STAT4: variants seen among roughly 807,000 people sequenced by gnomAD.
STAT4 encodes signal transducer and activator of transcription 4.
STAT4 carries 42 observed loss-of-function variants against 110.5 expected under a neutral mutation model. The ratio of observed to expected loss-of-function variants is 0.38; its 90% CI spans 0.30 to 0.49. The LOEUF is 0.49. Among genes scored for constraint, STAT4 ranks in the 20% least tolerant of loss-of-function variants. The pLI is 0.95. For missense variants in STAT4, 632 were observed against 887.9 expected (o/e 0.71, Z 3.66); for synonymous variants, 284 against 302.2 (o/e 0.94, Z 0.63).
intron 3 of STAT4, among the ~76,000 whole-genome samples, chr2:191,096,091 G>A (rs1697970628): frequency 6.6e-6 from 1 of 152,092 alleles, no homozygotes; most frequent in South Asian, 2.1e-4. Flanking sequence ...TCCCTGAATA[G>A]ACCAATAACA....
rs572311980 is a variant in STAT4, at chr2:191,061,343, C to T, written c.1034+386G>A. 9.9e-5 allele frequency among the ~76,000 whole-genome samples: 15 copies of T among 152,206 alleles called. No homozygotes were observed. Among genetic ancestry groups the T allele is most frequent in the African/African-American group, 3.6e-4 (15 of 41,528 alleles). ...TCTGTCCTCTCAATTCTGTCTCTTC[C>T]CTGCTCCCCACGATTACCAGACAGA... On this transcript the variant is annotated intron_variant, in intron 10 of 23. Transcript: ENST00000392320. This position sits in a 1 kb window ranked among gnomAD's most constrained non-coding sequence, Gnocchi z 6.2.
At chr2:191,087,505 C>G (rs1446813643) in intron 3 of STAT4, among the ~76,000 whole-genome samples, 3 of 152,250 alleles carry the variant, frequency 2.0e-5, no homozygotes, top group Non-Finnish European at 4.4e-5. Context: ...GCTCCCTCCC[C>G]TTTCCATCCC....
At position 191,099,203 on chromosome 2, in the gene STAT4, G is replaced by C. The variant is rs1698088498; in HGVS notation, c.274-22878C>G. ...AAGTCAGGTTGACAAAAATAAAAAAGAATGATAATATCTATTGTTAATGAA... is the reference window on the plus strand; with the variant it reads ...AAGTCAGGTTGACAAAAATAAAAAACAATGATAATATCTATTGTTAATGAA... On this transcript the variant is annotated intron_variant, in intron 3 of 23. Coordinates refer to ENST00000392320, the MANE Select transcript of STAT4 (RefSeq NM_003151.4). This position sits in a 1 kb window ranked among gnomAD's most constrained non-coding sequence, Gnocchi z 4.1. 6.6e-6 allele frequency among the ~76,000 whole-genome samples: 1 copy of C among 151,990 alleles called. No individual in the cohort carries two copies. The highest frequency in any genetic ancestry group is 1.5e-5 in the Non-Finnish European group (1 of 67,964).
In STAT4 at chr2:191,129,983, TC is replaced by T. The variant is rs531996915; in HGVS notation, c.273+16629del. ...AGTCTATTTCCACTTGTTTTAGTGGTCTTTTTGAAATTTTGCCAAGTATGCT... is the reference window on the plus strand; with the variant it reads ...AGTCTATTTCCACTTGTTTTAGTGGTTTTTTGAAATTTTGCCAAGTATGCT... On this transcript the variant is annotated intron_variant, in intron 3 of 23. Coordinates refer to ENST00000392320, the MANE Select transcript of STAT4 (RefSeq NM_003151.4). Among the ~76,000 whole-genome samples, 757 of 152,126 alleles carry T rather than the reference TC, an allele frequency of 5.0e-3. 3 individuals carry two copies. The highest frequency in any genetic ancestry group is 0.017 in the African/African-American group (705 of 41,380).
rs369720896 is a variant in STAT4, at chr2:191,033,088, G to T, written c.1914C>A (p.Phe638Leu). The part of the protein sequence containing the change: ...YNKGRLSALP[F>L]ADILRDYKVI... ...CTTTGTAGTCTCGCAGGATGTCAGC[G>T]AATGGCAGAGCAGACAACCGGCCTT... Residue 638 changes from phenylalanine to leucine, a missense_variant, in exon 21 of 24, where the codon TTC becomes TTA. This residue lies in a region of STAT4 where 74 missense variants were observed against 154.3 expected (regional missense o/e 0.48). Coordinates refer to ENST00000392320, the MANE Select transcript of STAT4 (RefSeq NM_003151.4). This position sits in a 1 kb window ranked among gnomAD's most constrained non-coding sequence, Gnocchi z 6.9. 7 of 1,614,086 alleles carry T rather than the reference G, an allele frequency of 4.3e-6. No individual in the cohort carries two copies. In the African/African-American group the frequency reaches 6.7e-5, roughly 15 times the overall value.
Position 191,086,295 on chromosome 2 carries a change from G to A in STAT4, c.274-9970C>T, listed in dbSNP as rs111446773. ...AAGATTGTCACTTTCTGACAGGCCC[G>A]GGAACCTCATAGGACCTCAAGAAGA... On this transcript the variant is annotated intron_variant, in intron 3 of 23. Coordinates refer to ENST00000392320, the MANE Select transcript of STAT4 (RefSeq NM_003151.4). The surrounding 1 kb of genome is among the most constrained non-coding windows in gnomAD (Gnocchi z 5.5). Among the ~76,000 whole-genome samples, 4,850 of 152,168 alleles carry A rather than the reference G, an allele frequency of 0.032. 98 individuals carry two copies. Among genetic ancestry groups the A allele is most frequent in the Non-Finnish European group, 0.048 (3,281 of 67,986 alleles).
rs1439267294 is a variant in STAT4, at chr2:191,142,528, A to C, written c.273+4085T>G. 6.6e-6 allele frequency among the ~76,000 whole-genome samples: 1 copy of C among 152,164 alleles called. No individual in the cohort carries two copies. Among genetic ancestry groups the C allele is most frequent in the African/African-American group, 2.4e-5 (1 of 41,444 alleles). On this transcript the variant is annotated intron_variant, in intron 3 of 23. Coordinates refer to ENST00000392320, the MANE Select transcript of STAT4 (RefSeq NM_003151.4). This position sits in a 1 kb window ranked among gnomAD's most constrained non-coding sequence, Gnocchi z 4.1. ...AAACATACAGTTAAATAGAAGGATT[A>C]AGTTCTAACATTCTATAGCAGGGTT...
intron 3 of STAT4, among the ~76,000 whole-genome samples, chr2:191,114,523 A>C (rs1698521865): frequency 6.6e-6 from 1 of 152,188 alleles, no homozygotes; most frequent in Non-Finnish European, 1.5e-5. Context: ...CGTTAAGTTT[A>C]ACAGGAAGTC....
At chr2:191,067,064 T>C (rs888963736) in intron 6 of STAT4, among the ~76,000 whole-genome samples, 6 of 151,862 alleles carry the variant, frequency 4.0e-5, no homozygotes, top group Admixed American at 1.3e-4. Flanking sequence ...TTTTTCTTTT[T>C]TTTTTTTTCA....
At chr2:191,093,635 C>G (rs1459645240) in intron 3 of STAT4, among the ~76,000 whole-genome samples, 1 of 152,200 alleles carries the variant, frequency 6.6e-6, no homozygotes, top group East Asian at 1.9e-4. Context: ...CGGGGAGAAA[C>G]AAGAGCAGAA....
At chr2:191,045,124 GA>G (rs1176916796) in intron 14 of STAT4, among the ~76,000 whole-genome samples, 3 of 152,092 alleles carry the variant, frequency 2.0e-5, no homozygotes, top group Non-Finnish European at 2.9e-5. Context: ...TCAGAAGTTA[GA>G]CATATAAAAT....
At chr2:191,111,955 G>A (rs1698437042) in intron 3 of STAT4, among the ~76,000 whole-genome samples, 1 of 152,126 alleles carries the variant, frequency 6.6e-6, no homozygotes, top group Non-Finnish European at 1.5e-5. Context: ...GCAGATCAAC[G>A]GCTGCCTGGG....
At chr2:191,064,741 C>A in intron 8 of STAT4, 66 bp downstream of exon 8, 1 of 1,553,516 alleles carries the variant, frequency 6.4e-7, no homozygotes, top group Non-Finnish European at 8.7e-7. Context: ...CGTTCTCTGG[C>A]TGAGTGACAC....
chr2:191,109,035 G>T (rs766064556), intron 3 of STAT4, among the ~76,000 whole-genome samples: 1 of 152,060 alleles, frequency 6.6e-6, no homozygotes, highest in Non-Finnish European at 1.5e-5. Flanking sequence ...TTTATCAAAG[G>T]CACTTGCCAA....
Position 191,150,786 on chromosome 2 carries a change from G to A in STAT4, c.-2+161C>T, listed in dbSNP as rs1179529113. On this transcript the variant is annotated intron_variant, in intron 1 of 23. Coordinates refer to ENST00000392320, the MANE Select transcript of STAT4 (RefSeq NM_003151.4). The surrounding 1 kb of genome is among the most constrained non-coding windows in gnomAD (Gnocchi z 6.4). ...AACCCGTGCCAGGGCGCATCTGTGG[G>A]TCGTGGAGTCGGGCGCTTCCTTCTA... Among the ~76,000 whole-genome samples, 1 of 152,218 alleles carries A rather than the reference G, an allele frequency of 6.6e-6. No homozygotes were observed. Among genetic ancestry groups the A allele is most frequent in the Non-Finnish European group, 1.5e-5 (1 of 68,038 alleles).
chr2:191,114,626 C>G (rs2125372188), intron 3 of STAT4, among the ~76,000 whole-genome samples: 2 of 152,256 alleles, frequency 1.3e-5, no homozygotes, highest in Middle Eastern at 6.8e-3. Context: ...CAAGTGACAA[C>G]ACCATCATGA....
rs941469800 is a variant in STAT4 at position 191,053,332 on chromosome 2, C to T, written c.1251+1158G>A. Among the ~76,000 whole-genome samples the T allele has an allele frequency of 2.8e-4, 42 of 152,328 alleles. No individual in the cohort carries two copies. Among genetic ancestry groups the T allele is most frequent in the African/African-American group, 9.4e-4 (39 of 41,584 alleles). On this transcript the variant is annotated intron_variant, in intron 14 of 23. Transcript: ENST00000392320. The surrounding 1 kb of genome is among the most constrained non-coding windows in gnomAD (Gnocchi z 4.5). ...GGCTGTTGAGCATGACTATCCTGCT[C>T]TCTTAGAGGAAAAAAATGCAGTATT...
rs929519161 is a variant in STAT4, at chr2:191,112,067, T to C, written c.273+34546A>G. Among the ~76,000 whole-genome samples the C allele has an allele frequency of 6.6e-6, 1 of 152,200 alleles. No individual in the cohort carries two copies. Among genetic ancestry groups the C allele is most frequent in the African/African-American group, 2.4e-5 (1 of 41,444 alleles). ...ATTTTTATTATCTTGATTGTGATAATGGTTTCATGGGTATACACTTATGTC... is the reference window on the plus strand; with the variant it reads ...ATTTTTATTATCTTGATTGTGATAACGGTTTCATGGGTATACACTTATGTC... On this transcript the variant is annotated intron_variant, in intron 3 of 23. Coordinates refer to ENST00000392320, the MANE Select transcript of STAT4 (RefSeq NM_003151.4). The surrounding 1 kb of genome is among the most constrained non-coding windows in gnomAD (Gnocchi z 4.3).
chr2:191,075,964 T>C (rs1319968199), intron 4 of STAT4: 4 of 306,292 alleles, frequency 1.3e-5, no homozygotes, highest in Admixed American at 4.4e-5. Context: ...GATCCTTCTA[T>C]CTCAGCCTCC....
Sources: allele counts gnomAD v4.1 joint callset (sites outside exome capture counted in the v4.1 genomes callset), GRCh38; gene constraint gnomAD v4.1.1; regional missense constraint gnomAD v4.1.1; non-coding constraint Gnocchi (gnomAD v3.1); transcripts MANE v1.5; gene names NCBI Gene and HGNC (gene_info 2026-07-23, HGNC 2026-07-21).